ASB1: variants seen among roughly 807,000 people sequenced by gnomAD.
The protein encoded by ASB1 is ankyrin repeat and SOCS box containing 1.
In ASB1, 18 loss-of-function variants were observed where a neutral mutation model predicts 27.7. That is an observed-to-expected ratio of 0.65 (90% CI 0.45 to 0.96). The LOEUF (loss-of-function observed/expected upper bound fraction) is 0.96. Among genes scored for constraint, ASB1 ranks in the 50% least tolerant of loss-of-function variants. The pLI is 0.00. For missense variants in ASB1, 397 were observed against 451.7 expected (o/e 0.88, Z 1.10); for synonymous variants, 189 against 187.6 (o/e 1.01, Z -0.06).
chr2:238,430,503 C>T (rs1701848516), intron 1 of ASB1, among the ~76,000 whole-genome samples: 1 of 152,220 alleles, frequency 6.6e-6, no homozygotes, highest in Non-Finnish European at 1.5e-5. Context: ...TCTTGAGCCC[C>T]TCAAAGTCAT....
Position 238,433,746 on chromosome 2 carries a change from G to T in ASB1, c.191+51G>T, listed in dbSNP as rs753896125. ...CCGGGTACTAGGGCCCTGAAGGTCT[G>T]TGTGAAGCTGAGCCCCACAGTCGCT... On this transcript the variant is annotated intron_variant, in intron 2 of 4. Transcript: ENST00000264607. The T allele has an allele frequency of 6.3e-6, 10 of 1,598,510 alleles. No individual in the cohort carries two copies. The Admixed American group carries it at 1.5e-4, about 24-fold the overall frequency.
In ASB1 at chr2:238,452,080, C is replaced by G. The variant is rs993390324; in HGVS notation, c.*5569C>G. On this transcript the variant is annotated 3_prime_UTR_variant, in exon 5 of 5. Transcript: ENST00000264607. ...GCTTTCAAGCAAGGTACCGTTGTCC[C>G]CACAGTGTTCCGTGGGGTAGGGGGT... 5 of 152,142 alleles carry G rather than the reference C, an allele frequency of 3.3e-5. No individual in the cohort carries two copies. Among genetic ancestry groups the G allele is most frequent in the Non-Finnish European group, 2.9e-5 (2 of 68,042 alleles). 9.4% of individuals were successfully genotyped at this position (152,142 alleles called of 1,614,324 possible).
In ASB1 at chr2:238,452,238, CATCT is replaced by C. The variant is rs539713435; in HGVS notation, c.*5728_*5731del. 8.7e-4 allele frequency: 133 copies of C among 152,318 alleles called. No individual in the cohort carries two copies. The highest frequency in any genetic ancestry group is 3.1e-3 in the African/African-American group (128 of 41,536). 9.4% of individuals were successfully genotyped at this position (152,318 alleles called of 1,614,324 possible). A position where few individuals can be genotyped will look rare whatever the true frequency, so the allele number is the denominator to read the frequency against. ...AACGAATTAAATAAAGACATGCATCCATCTGTCAGCGACTCCTTGTGTGTTCTGC... is the reference window on the plus strand; with the variant it reads ...AACGAATTAAATAAAGACATGCATCCGTCAGCGACTCCTTGTGTGTTCTGC... On this transcript the variant is annotated 3_prime_UTR_variant, in exon 5 of 5. Transcript: ENST00000264607.
intron 3 of ASB1, among the ~76,000 whole-genome samples, chr2:238,436,260 T>A (rs918794021): frequency 1.3e-5 from 2 of 152,128 alleles, no homozygotes; most frequent in African/African-American, 4.8e-5. Context: ...CTTATTCATT[T>A]TTTCTTAAGA....
Position 238,450,721 on chromosome 2 carries a change from ACACT to A in ASB1, c.*4214_*4217del, listed in dbSNP as rs1180699509. On this transcript the variant is annotated 3_prime_UTR_variant, in exon 5 of 5. Transcript: ENST00000264607. ...CTGGCCACCCCTGGATCCATGGGAC[ACACT>A]CACAGGAAGCTGATGTGGCCTTCTC... The A allele has an allele frequency of 4.0e-5, 6 of 151,758 alleles. No individual in the cohort carries two copies. Among genetic ancestry groups the A allele is most frequent in the African/African-American group, 9.7e-5 (4 of 41,272 alleles). 9.4% of individuals were successfully genotyped at this position (151,758 alleles called of 1,614,324 possible). A position where few individuals can be genotyped will look rare whatever the true frequency, so the allele number is the denominator to read the frequency against.
At chr2:238,429,535 A>T (rs1318795976) in intron 1 of ASB1, among the ~76,000 whole-genome samples, 1 of 152,228 alleles carries the variant, frequency 6.6e-6, no homozygotes, top group South Asian at 2.1e-4. Flanking sequence ...GTTCAGTTCC[A>T]GAACACTGTA....
At chr2:238,437,285 G>A (rs1285176211) in intron 3 of ASB1, among the ~76,000 whole-genome samples, 1 of 152,056 alleles carries the variant, frequency 6.6e-6, no homozygotes, top group Non-Finnish European at 1.5e-5. Flanking sequence ...AGGCTGGAGT[G>A]CAGTGGCGCG....
At chr2:238,445,049 A>C (rs1480883928) in intron 4 of ASB1, among the ~76,000 whole-genome samples, 1 of 141,868 alleles carries the variant, frequency 7.0e-6, no homozygotes, top group Admixed American at 7.6e-5. Flanking sequence ...TGGTGCAGTC[A>C]TGGCTCCCTG....
chr2:238,442,338 C>G (rs1404449253), intron 3 of ASB1, among the ~76,000 whole-genome samples: 99 of 152,208 alleles, frequency 6.5e-4, no homozygotes, highest in Non-Finnish European at 1.0e-4. Context: ...TCTTGAACTC[C>G]TGACCTCAGA....
rs1298600568 is a variant in ASB1 at position 238,449,900 on chromosome 2, G to A, written c.*3389G>A. 1.3e-5 allele frequency: 2 copies of A among 152,242 alleles called. No homozygotes were observed. Among genetic ancestry groups the A allele is most frequent in the Non-Finnish European group, 2.9e-5 (2 of 68,040 alleles). 9.4% of individuals were successfully genotyped at this position (152,242 alleles called of 1,614,324 possible). A position where few individuals can be genotyped will look rare whatever the true frequency, so the allele number is the denominator to read the frequency against. ...TACAGCAGACATAGGACTGAGCCAAGGAAGAGTCTGCCTGAGAGAGACGCT... is the reference window on the plus strand; with the variant it reads ...TACAGCAGACATAGGACTGAGCCAAAGAAGAGTCTGCCTGAGAGAGACGCT... On this transcript the variant is annotated 3_prime_UTR_variant, in exon 5 of 5. Coordinates refer to ENST00000264607, the MANE Select transcript of ASB1 (RefSeq NM_001040445.3).
At chr2:238,435,664 C>T (rs778936371) in intron 2 of ASB1, 47 bp from the exon 3 acceptor site, 50 of 1,561,604 alleles carry the variant, frequency 3.2e-5, no homozygotes, top group Non-Finnish European at 4.0e-5. Context: ...CAGCCCGTCC[C>T]TGTCCTGCGG....
chr2:238,427,530 C>G (rs1427444389), intron 1 of ASB1: 3 of 160,294 alleles, frequency 1.9e-5, no homozygotes, highest in African/African-American at 7.2e-5. Context: ...TTCTGCCGCC[C>G]ACGGCGTGTC....
At position 238,444,574 on chromosome 2, in the gene ASB1, G is replaced by A. The variant is rs1352783197; in HGVS notation, c.727G>A (p.Val243Ile). Reference sequence around the variant, plus strand: ...CTCCCCTGGGTGCGTCATGGATGCTGTTCTGCGCCACGGCTGTGAGGCAGC... The same window carrying A: ...CTCCCCTGGGTGCGTCATGGATGCTATTCTGCGCCACGGCTGTGAGGCAGC... Reference protein sequence around the residue: ...RGSPGCVMDAVLRHGCEAAFV... With the variant: ...RGSPGCVMDAILRHGCEAAFV... Residue 243 changes from valine (V) to isoleucine (I), a missense_variant, in exon 4 of 5, where the codon GTT (valine) becomes ATT (isoleucine). Transcript: ENST00000264607. 8.7e-6 allele frequency: 14 copies of A among 1,614,216 alleles called. No individual in the cohort carries two copies. The highest frequency in any genetic ancestry group is 1.3e-5 in the African/African-American group (1 of 75,052).
In ASB1 at chr2:238,444,428, G is replaced by T. The variant is rs760218428; in HGVS notation, c.581G>T (p.Cys194Phe). The change falls in exon 4 of 5, where the codon TGC (cysteine) becomes TTC (phenylalanine). Residue 194 changes from cysteine (C) to phenylalanine (F), a missense_variant. Coordinates refer to ENST00000264607, the MANE Select transcript of ASB1 (RefSeq NM_001040445.3). ...FSRRLTSLVV[C>F]PLYISAAYHN... is the part of the protein sequence containing the mutation. ...CGGCGGCTCACCTCCTTGGTGGTCT[G>T]CCCCTTGTACATCAGCGCAGCCTAC... The T allele has an allele frequency of 9.9e-6, 16 of 1,614,104 alleles. No homozygotes were observed. In the Admixed American group the frequency reaches 2.7e-4, roughly 27 times the overall value.
In ASB1 at chr2:238,433,654, C is replaced by G. The variant is rs778562426; in HGVS notation, c.150C>G (p.Leu50=). 6.2e-7 allele frequency: 1 copy of G among 1,614,088 alleles called. No homozygotes were observed. The highest frequency in any genetic ancestry group is 1.1e-5 in the South Asian group (1 of 91,072). ...ATGATGCAGCTTACGTCGGGGACCT[C>G]CAGACCCTCAGGAGCCTATTGCAAG... is the stretch of plus-strand genomic sequence containing the variant. ...RLHDAAYVGD[L]QTLRSLLQEE... Residue 50 remains leucine, a synonymous_variant, in exon 2 of 5, where the codon CTC becomes CTG. Coordinates refer to ENST00000264607, the MANE Select transcript of ASB1 (RefSeq NM_001040445.3).
At chr2:238,439,518 C>G (rs1702039277) in intron 3 of ASB1, among the ~76,000 whole-genome samples, 1 of 152,158 alleles carries the variant, frequency 6.6e-6, no homozygotes, top group African/African-American at 2.4e-5. Flanking sequence ...GTTCTGTCCT[C>G]CCTGCACCCT....
chr2:238,445,659 G>C (rs1309393070), intron 4 of ASB1, among the ~76,000 whole-genome samples: 1 of 152,054 alleles, frequency 6.6e-6, no homozygotes, highest in Non-Finnish European at 1.5e-5. Flanking sequence ...CCCTCCCACC[G>C]CTCCCAGTCT....
Position 238,448,496 on chromosome 2 carries a change from G to A in ASB1, c.*1985G>A, listed in dbSNP as rs1702221303. The A allele has an allele frequency of 6.6e-6, 1 of 152,270 alleles. No homozygotes were observed. The highest frequency in any genetic ancestry group is 6.5e-5 in the Admixed American group (1 of 15,286). 9.4% of individuals were successfully genotyped at this position (152,270 alleles called of 1,614,324 possible). A position where few individuals can be genotyped will look rare whatever the true frequency, so the allele number is the denominator to read the frequency against. On this transcript the variant is annotated 3_prime_UTR_variant, in exon 5 of 5. Coordinates refer to ENST00000264607, the MANE Select transcript of ASB1 (RefSeq NM_001040445.3). The stretch of plus-strand genomic sequence containing the variant: ...ACTGTTTAGCTCCTCCCACCTCGAG[G>A]CTCTTCTTCCTGCCACCCTTTGGGC...
chr2:238,440,924 T>C (rs1702066492), intron 3 of ASB1, among the ~76,000 whole-genome samples: 2 of 152,196 alleles, frequency 1.3e-5, no homozygotes, highest in Admixed American at 6.5e-5. Context: ...GCTGTGTACA[T>C]GCCCACGTGG....
Sources: allele counts gnomAD v4.1 joint callset (sites outside exome capture counted in the v4.1 genomes callset), GRCh38; gene constraint gnomAD v4.1.1; transcripts MANE v1.5; gene names NCBI Gene and HGNC (gene_info 2026-07-23, HGNC 2026-07-21).